Variants in FAAH2 observed in about 807,000 individuals in gnomAD.
FAAH2 encodes fatty acid amide hydrolase 2.
Under a neutral mutation model 36.9 loss-of-function variants are expected in FAAH2, and 60 were observed. The observed-to-expected ratio is 1.63, with a 90% CI of 1.32 to 2.02. The LOEUF (loss-of-function observed/expected upper bound fraction) is 2.02. Ranked by LOEUF, FAAH2 falls within the 30% of genes most tolerant of loss-of-function variation. FAAH2 has a pLI of 0.00. For missense variants in FAAH2, 689 were observed against 397.5 expected (o/e 1.73, Z -6.23); for synonymous variants, 214 against 143.8 (o/e 1.49, Z -3.49).
chrX:57,263,021 G>A, the FAAH2 span, among the ~76,000 whole-genome samples: 1 of 111,347 alleles, frequency 9.0e-6, no homozygotes, highest in Non-Finnish European at 1.9e-5. Context: ...GTAAAAGTGT[G>A]AGAGCTTTTC....
At chrX:57,423,049 C>T (rs2056075740) in intron 7 of FAAH2, among the ~76,000 whole-genome samples, 1 of 111,468 alleles carries the variant, frequency 9.0e-6, no homozygotes. Context: ...AAATCCAGGC[C>T]ACGAGGGAGC....
intron 5 of FAAH2, among the ~76,000 whole-genome samples, chrX:57,360,793 C>A (rs1602401522): frequency 1.8e-5 from 2 of 110,905 alleles, no homozygotes; most frequent in Middle Eastern, 9.3e-3. Context: ...GACCCACATT[C>A]ATTAGCTATG....
the FAAH2 span, among the ~76,000 whole-genome samples, chrX:57,174,219 T>A: frequency 9.0e-6 from 1 of 110,803 alleles, no homozygotes; most frequent in Non-Finnish European, 1.9e-5. Flanking sequence ...GATTTTTTTT[T>A]TTTTGTTCTT....
chrX:57,208,188 G>T, the FAAH2 span, among the ~76,000 whole-genome samples: 9 of 112,336 alleles, frequency 8.0e-5, no homozygotes, highest in Admixed American at 1.9e-4. Context: ...AAGATCTGGA[G>T]GGTCAGGCCA....
the FAAH2 span, among the ~76,000 whole-genome samples, chrX:57,177,683 T>C: frequency 1.0e-5 from 1 of 97,763 alleles, no homozygotes; most frequent in Non-Finnish European, 2.0e-5. Context: ...CAGATGCATC[T>C]ACATAGAACT....
In FAAH2 at chrX:57,455,087, A is replaced by G. The variant is rs764185085; in HGVS notation, c.1423+6369A>G. Among the ~76,000 whole-genome samples, 3 of 111,426 alleles carry G rather than the reference A, an allele frequency of 2.7e-5. No homozygotes were observed. The South Asian group carries it at 1.1e-3, about 42-fold the overall frequency. ...TTACCTACAAAGTAAACCCCACCAG[A>G]CTCTCTGTAAGAACTCTCTGTAAGA... On this transcript the variant is annotated intron_variant, in intron 10 of 10. Coordinates refer to ENST00000374900, the MANE Select transcript of FAAH2 (RefSeq NM_174912.4).
At chrX:57,438,671 T>C (rs1246991401) in intron 8 of FAAH2, among the ~76,000 whole-genome samples, 3 of 109,898 alleles carry the variant, frequency 2.7e-5, no homozygotes, top group Non-Finnish European at 5.7e-5. Context: ...TACATATGTA[T>C]ACATGTGCCA....
At chrX:57,485,156 G>A (rs926707877) in intron 10 of FAAH2, among the ~76,000 whole-genome samples, 7 of 112,047 alleles carry the variant, frequency 6.2e-5, no homozygotes, top group African/African-American at 1.9e-4. Flanking sequence ...TGAGGCACGT[G>A]TTACACCCAC....
chrX:57,313,317 A>T (rs936306948), intron 3 of FAAH2, among the ~76,000 whole-genome samples: 1 of 110,398 alleles, frequency 9.1e-6, no homozygotes, highest in Non-Finnish European at 1.9e-5. Context: ...CTTGGAAAAT[A>T]TATTTGAGGT....
At chrX:57,262,955 C>G in the FAAH2 span, among the ~76,000 whole-genome samples, 1 of 111,060 alleles carries the variant, frequency 9.0e-6, no homozygotes, top group African/African-American at 3.3e-5. Context: ...TATAGGGGAG[C>G]TTTCTTTATT....
At chrX:57,403,818 T>G (rs1328529003) in intron 7 of FAAH2, among the ~76,000 whole-genome samples, 1 of 112,629 alleles carries the variant, frequency 8.9e-6, no homozygotes, top group Non-Finnish European at 1.9e-5. Flanking sequence ...TTCAGACATT[T>G]GTATGGTAAT....
chrX:57,397,377 A>G (rs1462831514), intron 7 of FAAH2, among the ~76,000 whole-genome samples: 1 of 112,033 alleles, frequency 8.9e-6, no homozygotes, highest in African/African-American at 3.2e-5. Context: ...GCTCATGTGC[A>G]CATGTGACAT....
chrX:57,244,064 A>AT, the FAAH2 span, among the ~76,000 whole-genome samples: 4 of 108,313 alleles, frequency 3.7e-5, no homozygotes, highest in Non-Finnish European at 7.6e-5. Flanking sequence ...GACCTGATGG[A>AT]GCTGAAAAAC....
At chrX:57,479,513 C>G (rs2057338027) in intron 10 of FAAH2, among the ~76,000 whole-genome samples, 1 of 111,328 alleles carries the variant, frequency 9.0e-6, no homozygotes, top group Non-Finnish European at 1.9e-5. Context: ...CTGGCCAGAA[C>G]TTCCAACACT....
chrX:57,323,485 T>A (rs971704929), intron 3 of FAAH2, among the ~76,000 whole-genome samples: 8 of 111,556 alleles, frequency 7.2e-5, no homozygotes, highest in African/African-American at 2.6e-4. Flanking sequence ...CCACATCCTC[T>A]CCAGCACCTG....
At chrX:57,121,939 T>A in the FAAH2 span, 1 of 111,149 alleles carries the variant, frequency 9.0e-6, no homozygotes, top group East Asian at 2.8e-4. Context: ...TTGAAAGGAT[T>A]TGGAGTTGGA....
the FAAH2 span, among the ~76,000 whole-genome samples, chrX:57,188,484 T>C: frequency 9.1e-6 from 1 of 110,287 alleles, no homozygotes; most frequent in East Asian, 2.9e-4. Context: ...AGTGGTCTAT[T>C]TTGTTAATCT....
intron 8 of FAAH2, among the ~76,000 whole-genome samples, chrX:57,432,685 T>C (rs1451129134): frequency 9.0e-6 from 1 of 111,406 alleles, no homozygotes; most frequent in East Asian, 2.8e-4. Flanking sequence ...ATAAGATAAA[T>C]TCAACATTCT....
intron 5 of FAAH2, among the ~76,000 whole-genome samples, chrX:57,363,105 G>A (rs781069947): frequency 8.9e-6 from 1 of 111,903 alleles, no homozygotes; most frequent in Non-Finnish European, 1.9e-5. Flanking sequence ...TTCTAATTCT[G>A]CAATAACTCA....
Sources: gnomAD v4.1 joint callset for allele counts (sites outside exome capture counted in the v4.1 genomes callset) on GRCh38, gnomAD v4.1.1 for gene constraint, MANE v1.5 for transcripts, NCBI Gene and HGNC (gene_info 2026-07-23, HGNC 2026-07-21) for gene names.